The following STOX1 variants were observed in gnomAD, a reference collection of about 807,000 sequenced individuals.
STOX1 encodes the protein storkhead-box protein 1.
In STOX1, 57 loss-of-function variants were observed where a neutral mutation model predicts 74.8. The ratio of observed to expected loss-of-function variants is 0.76; its 90% CI spans 0.62 to 0.95. STOX1 has a LOEUF of 0.95. STOX1 is among the 40% of genes least tolerant of loss of function. The probability of loss-of-function intolerance (pLI) is 0.00; values close to 1 mark genes in which losing one functional copy is unlikely to be tolerated. For synonymous variants in STOX1, 375 were observed against 401.3 expected, an observed-to-expected ratio of 0.93 and a Z score of 0.78; for missense variants, 1,010 against 1,117.0, an observed-to-expected ratio of 0.90 and a Z score of 1.37.
intron 1 of STOX1, among the ~76,000 whole-genome samples, chr10:68,845,959 G>C (rs990100456): frequency 6.6e-6 from 1 of 151,594 alleles, no homozygotes; most frequent in African/African-American, 2.4e-5. Context: ...GGCTGGTCTC[G>C]AACTCCTGGG....
chr10:68,865,092 A>C (rs564775226), intron 1 of STOX1, among the ~76,000 whole-genome samples: 2 of 152,336 alleles, frequency 1.3e-5, no homozygotes, highest in South Asian at 4.1e-4. Context: ...ATATTTCCCG[A>C]GTGGGGGCAG....
At position 68,863,008 on chromosome 10, in the gene STOX1, G is replaced by T. The variant is rs147449321; in HGVS notation, c.311-18950G>T. ...TAGAGTGATATGTCCAGGCATTATT[G>T]CCAGCCAAGATTGATAGCAAGGGGG... is the stretch of plus-strand genomic sequence containing the variant. On this transcript the variant is annotated intron_variant, in intron 1 of 3. Coordinates refer to ENST00000298596, the MANE Select transcript of STOX1 (RefSeq NM_152709.5). Among the ~76,000 whole-genome samples the T allele has an allele frequency of 5.0e-3, 757 of 152,194 alleles. 15 individuals are homozygous for T. Among genetic ancestry groups the T allele is most frequent in the African/African-American group, 0.018 (729 of 41,466 alleles).
At chr10:68,848,921 T>C (rs1273853506) in intron 1 of STOX1, among the ~76,000 whole-genome samples, 1 of 152,144 alleles carries the variant, frequency 6.6e-6, no homozygotes, top group African/African-American at 2.4e-5. Flanking sequence ...CCTGTTGCCT[T>C]GGGCTCCCAA....
At chr10:68,855,257 A>G (rs978506810) in intron 1 of STOX1, among the ~76,000 whole-genome samples, 9 of 147,694 alleles carry the variant, frequency 6.1e-5, no homozygotes, top group African/African-American at 2.3e-4. Context: ...AGTAGCTGGG[A>G]CTACAGGCAT....
At position 68,885,445 on chromosome 10, in the gene STOX1, C is replaced by T. The variant is rs542918290; in HGVS notation, c.1649C>T (p.Pro550Leu). The change falls in exon 3 of 4, where the codon CCA becomes CTA. Residue 550 changes from proline (P) to leucine (L), a missense_variant. By Grantham distance (98) the Pro-to-Leu change is moderately conservative (BLOSUM62 -3). Transcript: ENST00000298596. The stretch of plus-strand genomic sequence containing the variant: ...ATCTTTGATGGTAAAGCCAAAGAGC[C>T]ATATGCTGAACAACCTAATGATAAA... The part of the protein sequence containing the change: ...SRIFDGKAKE[P>L]YAEQPNDKME... 4 of 1,614,186 alleles carry T rather than the reference C, an allele frequency of 2.5e-6. No homozygotes were observed. The highest frequency in any genetic ancestry group is 3.3e-5 in the Admixed American group (2 of 60,012).
chr10:68,851,309 A>G (rs1429789670), intron 1 of STOX1, among the ~76,000 whole-genome samples: 2 of 151,834 alleles, frequency 1.3e-5, no homozygotes, highest in Non-Finnish European at 2.9e-5. Context: ...TAAAAAAAAA[A>G]AAAAAAAGAA....
chr10:68,834,356 G>A (rs967235160), intron 1 of STOX1, among the ~76,000 whole-genome samples: 1 of 152,148 alleles, frequency 6.6e-6, no homozygotes, highest in African/African-American at 2.4e-5. Flanking sequence ...CAAGAATTGG[G>A]CAAGTCTCTG....
chr10:68,843,115 T>C (rs1839737143), intron 1 of STOX1, among the ~76,000 whole-genome samples: 1 of 152,208 alleles, frequency 6.6e-6, no homozygotes, highest in Non-Finnish European at 1.5e-5. Context: ...CACAGCTCAC[T>C]ACAACCTCAG....
In STOX1 at chr10:68,892,628, T is replaced by G; in HGVS notation, c.2862T>G (p.Asp954Glu). 1 of 1,613,548 alleles carries G rather than the reference T, an allele frequency of 6.2e-7. No individual in the cohort carries two copies. Among genetic ancestry groups the G allele is most frequent in the Non-Finnish European group, 8.5e-7 (1 of 1,179,566 alleles). ...GATCTAATAATTCAGTCATTTTGGA[T>G]GGACTAAAAAGAAGACAGAATTTTC... is the stretch of plus-strand genomic sequence containing the variant. The part of the protein sequence containing the change: ...SLGSNNSVIL[D>E]GLKRRQNFLQ... Residue 954 changes from aspartate to glutamate, a missense_variant, in exon 4 of 4, where the codon GAT becomes GAG. Transcript: ENST00000298596.
chr10:68,838,805 G>T (rs1206285602), intron 1 of STOX1, among the ~76,000 whole-genome samples: 1 of 152,044 alleles, frequency 6.6e-6, no homozygotes, highest in Admixed American at 6.6e-5. Context: ...AGCTACTCGG[G>T]AGGCTGAGGC....
chr10:68,828,866 C>G (rs1448344486), intron 1 of STOX1: 1 of 563,418 alleles, frequency 1.8e-6, no homozygotes, highest in African/African-American at 2.0e-5. Context: ...CCTTCCCAGT[C>G]TTTTCAAACT....
At chr10:68,867,563 A>G (rs1194512020) in intron 1 of STOX1, among the ~76,000 whole-genome samples, 2 of 152,156 alleles carry the variant, frequency 1.3e-5, no homozygotes, top group Non-Finnish European at 2.9e-5. Flanking sequence ...TCTTCAAGGT[A>G]TTGAGGGGGT....
At chr10:68,891,375 T>G (rs1048029641) in intron 3 of STOX1, among the ~76,000 whole-genome samples, 8 of 152,166 alleles carry the variant, frequency 5.3e-5, no homozygotes, top group Non-Finnish European at 1.5e-5. Context: ...GCATGAGACT[T>G]TAACAGTCAA....
chr10:68,833,233 G>T (rs533484953), intron 1 of STOX1, among the ~76,000 whole-genome samples: 1 of 151,964 alleles, frequency 6.6e-6, no homozygotes, highest in Non-Finnish European at 1.5e-5. Context: ...CTATAGGCGC[G>T]TGCCAGCACG....
intron 1 of STOX1, among the ~76,000 whole-genome samples, chr10:68,841,186 C>G (rs1045936080): frequency 6.6e-6 from 1 of 150,524 alleles, no homozygotes; most frequent in African/African-American, 2.4e-5. Flanking sequence ...ACCTCGTGAT[C>G]TGCCCGCCTT....
intron 1 of STOX1, among the ~76,000 whole-genome samples, chr10:68,863,686 C>T (rs1452917160): frequency 1.3e-5 from 2 of 152,064 alleles, no homozygotes; most frequent in African/African-American, 4.8e-5. Context: ...CATTTTACTC[C>T]TAGCTGTTTG....
chr10:68,869,743 A>G (rs916181146), intron 1 of STOX1, among the ~76,000 whole-genome samples: 9 of 152,212 alleles, frequency 5.9e-5, no homozygotes, highest in African/African-American at 2.2e-4. Context: ...TAAACTAGGT[A>G]GTTGTTTGTT....
intron 1 of STOX1, among the ~76,000 whole-genome samples, chr10:68,879,851 G>A (rs879603492): frequency 2.0e-5 from 3 of 152,026 alleles, no homozygotes; most frequent in African/African-American, 4.8e-5. Flanking sequence ...ATCCTACAAT[G>A]CACAGGGCAG....
intron 1 of STOX1, among the ~76,000 whole-genome samples, chr10:68,837,622 G>A (rs1020922612): frequency 2.6e-5 from 4 of 152,224 alleles, no homozygotes; most frequent in South Asian, 4.1e-4. Context: ...TTGGAAGGGT[G>A]ATGTAAGCCC....
Sources: allele counts gnomAD v4.1 joint callset (sites outside exome capture counted in the v4.1 genomes callset), GRCh38; gene constraint gnomAD v4.1.1; transcripts MANE v1.5; gene names NCBI Gene and HGNC (gene_info 2026-07-23, HGNC 2026-07-21).